The following RGS9 variants were observed in gnomAD, a reference collection of about 807,000 sequenced individuals.
The protein encoded by RGS9 is regulator of G protein signaling 9, also known as regulator of G-protein signalling 9.
A neutral mutation model predicts 102.0 loss-of-function variants in RGS9; 78 were observed. That is an observed-to-expected ratio of 0.76 (90% CI 0.64 to 0.92). RGS9 has a LOEUF of 0.92. Ranked by LOEUF, RGS9 falls within the 40% of genes least tolerant of loss-of-function variation. RGS9 has a pLI of 0.00. For missense variants in RGS9, 833 were observed against 866.1 expected, an observed-to-expected ratio of 0.96 and a Z score of 0.48; for synonymous variants, 353 against 318.6, an observed-to-expected ratio of 1.11 and a Z score of -1.15.
intron 1 of RGS9, among the ~76,000 whole-genome samples, chr17:65,150,680 C>T (rs979048423): frequency 6.6e-6 from 1 of 152,158 alleles, no homozygotes; most frequent in Non-Finnish European, 1.5e-5. Context: ...CAGCTCTAGG[C>T]ACTGCTGTGT....
At chr17:65,152,687 C>A (rs930946746) in intron 1 of RGS9, among the ~76,000 whole-genome samples, 1 of 152,144 alleles carries the variant, frequency 6.6e-6, no homozygotes, top group Non-Finnish European at 1.5e-5. Context: ...TGTACCACCA[C>A]GCCCAGATAA....
intron 9 of RGS9, 49 bp downstream of exon 9, chr17:65,177,852 G>T: frequency 6.8e-7 from 1 of 1,463,758 alleles, no homozygotes; most frequent in Non-Finnish European, 9.6e-7. Flanking sequence ...GGATTCTGGG[G>T]CTGGGAAGGT....
chr17:65,166,048 G>A (rs1305928191), intron 7 of RGS9, among the ~76,000 whole-genome samples: 2 of 152,116 alleles, frequency 1.3e-5, no homozygotes, highest in Non-Finnish European at 2.9e-5. Flanking sequence ...CTCTCTTCTT[G>A]TAGCCTCTCT....
At chr17:65,204,398 C>A in intron 15 of RGS9, 97 bp downstream of exon 15, 1 of 1,423,564 alleles carries the variant, frequency 7.0e-7, no homozygotes, top group Non-Finnish European at 9.7e-7. Flanking sequence ...AGAGAGGATA[C>A]GTGGATAGAG....
intron 8 of RGS9, among the ~76,000 whole-genome samples, chr17:65,171,236 G>A (rs964170112): frequency 1.3e-5 from 2 of 152,152 alleles, no homozygotes; most frequent in Admixed American, 6.5e-5. Context: ...CAGGGAAGGG[G>A]TTAGGTGCTG....
chr17:65,223,752 C>CTTTTTTTTT (rs528795738), intron 17 of RGS9, among the ~76,000 whole-genome samples: 36 of 137,592 alleles, frequency 2.6e-4, no homozygotes, highest in South Asian at 2.4e-4. Flanking sequence ...TCATGCCAGG[C>CTTTTTTTTT]TTTTTTTTTT....
At chr17:65,179,708 C>T (rs1911786664) in intron 9 of RGS9, among the ~76,000 whole-genome samples, 1 of 148,842 alleles carries the variant, frequency 6.7e-6, no homozygotes, top group South Asian at 2.1e-4. Flanking sequence ...AGGACCTTAA[C>T]TTCATCCATT....
chr17:65,151,854 G>A (rs758350619), intron 1 of RGS9, among the ~76,000 whole-genome samples: 8 of 152,244 alleles, frequency 5.3e-5, no homozygotes, highest in Non-Finnish European at 8.8e-5. Context: ...CCTGGCCACT[G>A]CCTCATTTAT....
chr17:65,146,337 C>T (rs1910358298), intron 1 of RGS9, among the ~76,000 whole-genome samples: 2 of 152,274 alleles, frequency 1.3e-5, no homozygotes, highest in South Asian at 4.1e-4. Flanking sequence ...CGCCTGTAAT[C>T]CCAGCACTTT....
In RGS9 at chr17:65,190,617, T is replaced by C. The variant is rs149321007; in HGVS notation, c.746+381T>C. On this transcript the variant is annotated intron_variant, in intron 11 of 18. Coordinates refer to ENST00000262406, the MANE Select transcript of RGS9 (RefSeq NM_003835.4). Reference sequence around the variant, plus strand: ...TTAGGAGTGTGTGAGTCATGTTTACTGGTTCCATGTGCTACTAAATGTCCA... The same window carrying C: ...TTAGGAGTGTGTGAGTCATGTTTACCGGTTCCATGTGCTACTAAATGTCCA... Among the ~76,000 whole-genome samples, 780 of 152,322 alleles carry C rather than the reference T, an allele frequency of 5.1e-3. 6 individuals carry two copies. Among genetic ancestry groups the C allele is most frequent in the South Asian group, 0.018 (88 of 4,822 alleles).
At chr17:65,160,654 T>G (rs2143994282) in intron 5 of RGS9, 67 bp downstream of exon 5, 1 of 1,540,078 alleles carries the variant, frequency 6.5e-7, no homozygotes, top group East Asian at 2.3e-5. Context: ...CTTGCTGCAC[T>G]TTGGTGACAT....
intron 12 of RGS9, among the ~76,000 whole-genome samples, chr17:65,194,270 A>G (rs1311324510): frequency 1.3e-5 from 2 of 152,168 alleles, no homozygotes; most frequent in Non-Finnish European, 2.9e-5. Flanking sequence ...CATGGTATGG[A>G]TGCACTAGAG....
At chr17:65,163,278 G>A (rs374993233) in intron 7 of RGS9, among the ~76,000 whole-genome samples, 189 bp downstream of exon 7, 17 of 151,196 alleles carry the variant, frequency 1.1e-4, no homozygotes, top group Admixed American at 3.3e-4. Flanking sequence ...GGGTTCAAGC[G>A]ATTCTCCTGC....
intron 1 of RGS9, among the ~76,000 whole-genome samples, chr17:65,147,643 T>C (rs1321401441): frequency 7.3e-6 from 1 of 136,896 alleles, no homozygotes; most frequent in Admixed American, 8.0e-5. Context: ...CAGGCTGGAG[T>C]GCGGTGGCAT....
chr17:65,158,757 A>G, intron 3 of RGS9: 2 of 328,214 alleles, frequency 6.1e-6, no homozygotes, highest in South Asian at 5.8e-5. Context: ...ATTGAGAGTC[A>G]TGGCTCCAGA....
intron 15 of RGS9, 110 bp from the exon 16 acceptor site, chr17:65,207,812 C>T: frequency 4.0e-6 from 3 of 751,852 alleles, no homozygotes; most frequent in Non-Finnish European, 4.6e-6. Context: ...GACAAATTCT[C>T]ATAACTTTTC....
At chr17:65,153,761 G>T (rs1193849002) in intron 2 of RGS9, among the ~76,000 whole-genome samples, 1 of 152,030 alleles carries the variant, frequency 6.6e-6, no homozygotes, top group African/African-American at 2.4e-5. Flanking sequence ...ATGGTGGCAG[G>T]TGCCTATAGT....
At chr17:65,194,014 G>A (rs1020449344) in intron 12 of RGS9, among the ~76,000 whole-genome samples, 2 of 152,116 alleles carry the variant, frequency 1.3e-5, no homozygotes, top group Non-Finnish European at 2.9e-5. Flanking sequence ...AGGGCTACTC[G>A]ATTCGAGCAA....
chr17:65,161,410 C>T (rs1910977099), intron 6 of RGS9, among the ~76,000 whole-genome samples: 3 of 152,112 alleles, frequency 2.0e-5, no homozygotes, highest in Admixed American at 6.5e-5. Flanking sequence ...TGCCACCACG[C>T]CTGGCTAATT....
Sources: allele counts gnomAD v4.1 joint callset (sites outside exome capture counted in the v4.1 genomes callset), GRCh38; gene constraint gnomAD v4.1.1; transcripts MANE v1.5; gene names NCBI Gene and HGNC (gene_info 2026-07-23, HGNC 2026-07-21).